The following KCND3 variants were observed in gnomAD, a reference collection of about 807,000 sequenced individuals.
The protein encoded by KCND3 is A-type voltage-gated potassium channel KCND3.
KCND3 carries 9 observed loss-of-function variants against 51.1 expected under a neutral mutation model. The ratio of observed to expected loss-of-function variants is 0.18; its 90% CI spans 0.11 to 0.31. KCND3 has a LOEUF of 0.31. Ranked by LOEUF, KCND3 falls within the 10% of genes least tolerant of loss-of-function variation. The pLI is 1.00. For synonymous variants in KCND3, 349 were observed against 368.0 expected (o/e 0.95, Z 0.59); for missense variants, 526 against 903.8 (o/e 0.58, Z 5.36).
chr1:111,879,566 A>T (rs1048143926), intron 2 of KCND3, among the ~76,000 whole-genome samples: 1 of 152,200 alleles, frequency 6.6e-6, no homozygotes, highest in African/African-American at 2.4e-5. Context: ...AAGAGCAGAG[A>T]GCAGCTTACT....
intron 2 of KCND3, among the ~76,000 whole-genome samples, chr1:111,877,520 A>G (rs893563884): frequency 2.6e-5 from 4 of 152,140 alleles, no homozygotes; most frequent in African/African-American, 9.7e-5. Flanking sequence ...GGCCCAGGAG[A>G]GACTATGAGG....
intron 2 of KCND3, among the ~76,000 whole-genome samples, chr1:111,902,958 T>C (rs144089179): frequency 1.9e-3 from 284 of 152,360 alleles, no homozygotes; most frequent in Middle Eastern, 3.4e-3. Context: ...TTTACATATA[T>C]ACAGACATGT....
At chr1:111,795,104 A>C (rs552752569) in intron 2 of KCND3, among the ~76,000 whole-genome samples, 1 of 152,222 alleles carries the variant, frequency 6.6e-6, no homozygotes, top group Non-Finnish European at 1.5e-5. Flanking sequence ...AAAACACTTT[A>C]GCCCTATGTT....
At chr1:111,890,938 A>T (rs1669792674) in intron 2 of KCND3, among the ~76,000 whole-genome samples, 3 of 152,188 alleles carry the variant, frequency 2.0e-5, no homozygotes, top group African/African-American at 7.2e-5. Context: ...GATCTGGACA[A>T]GAAGTGTTTC....
chr1:111,841,044 C>T (rs1415348311), intron 2 of KCND3, among the ~76,000 whole-genome samples: 2 of 152,230 alleles, frequency 1.3e-5, no homozygotes, highest in African/African-American at 4.8e-5. Context: ...CCCTATTTGT[C>T]TGTTCCACCT....
intron 2 of KCND3, among the ~76,000 whole-genome samples, chr1:111,812,837 G>T (rs1195963977): frequency 6.6e-6 from 1 of 152,172 alleles, no homozygotes; most frequent in Non-Finnish European, 1.5e-5. Flanking sequence ...AGTCCCTGCT[G>T]CACACACTAC....
intron 2 of KCND3, among the ~76,000 whole-genome samples, chr1:111,912,741 TAAA>T (rs762664556): frequency 6.6e-6 from 1 of 152,022 alleles, no homozygotes; most frequent in Non-Finnish European, 1.5e-5. Flanking sequence ...GTTTAAACAG[TAAA>T]AAAACCCCAA....
intron 2 of KCND3, among the ~76,000 whole-genome samples, chr1:111,845,033 C>T (rs1276138627): frequency 2.6e-5 from 4 of 152,158 alleles, no homozygotes; most frequent in Non-Finnish European, 5.9e-5. Flanking sequence ...TCAGTGCAGT[C>T]CACGTGCATT....
At chr1:111,789,346 A>G (rs1664735822) in intron 2 of KCND3, among the ~76,000 whole-genome samples, 1 of 152,236 alleles carries the variant, frequency 6.6e-6, no homozygotes, top group African/African-American at 2.4e-5. Flanking sequence ...AAGGAGCTGC[A>G]TCTTGGAGAG....
Position 111,982,265 on chromosome 1 carries a change from C to T in KCND3, c.462G>A (p.Glu154=). The change falls in exon 2 of 8, where the codon GAG becomes GAA. Residue 154 remains glutamate (E), a synonymous_variant. Transcript: ENST00000302127. The surrounding 1 kb of genome is among the most constrained non-coding windows in gnomAD (Gnocchi z 8.5). ...GCGAGGGCATGGACTCCTGGTTGTT[C>T]TCCGAGTCGTTGTCGTCCATGAGCC... is the stretch of plus-strand genomic sequence containing the variant. ...AERLMDDNDS[E]NNQESMPSLS... 5 of 1,614,144 alleles carry T rather than the reference C, an allele frequency of 3.1e-6. No individual in the cohort carries two copies. Among genetic ancestry groups the T allele is most frequent in the Non-Finnish European group, 3.4e-6 (4 of 1,180,026 alleles).
chr1:111,849,392 C>T (rs1230030221), intron 2 of KCND3, among the ~76,000 whole-genome samples: 1 of 152,212 alleles, frequency 6.6e-6, no homozygotes, highest in Admixed American at 6.5e-5. Flanking sequence ...GGTCCCTACC[C>T]AGCCTACCCC....
intron 1 of KCND3, among the ~76,000 whole-genome samples, chr1:111,986,964 G>C (rs1675318233): frequency 6.6e-6 from 1 of 152,128 alleles, no homozygotes; most frequent in Admixed American, 6.5e-5. Flanking sequence ...CTGAGCCCTG[G>C]ATCTTTGACC....
chr1:111,877,688 C>T (rs1027242120), intron 2 of KCND3, among the ~76,000 whole-genome samples: 7 of 152,344 alleles, frequency 4.6e-5, no homozygotes, highest in Admixed American at 1.3e-4. Context: ...CCCACATCCA[C>T]CTGGCCGCTG....
intron 2 of KCND3, among the ~76,000 whole-genome samples, chr1:111,902,800 C>T (rs1472197701): frequency 6.6e-6 from 1 of 152,174 alleles, no homozygotes; most frequent in East Asian, 1.9e-4. Context: ...TGTCAAGTAC[C>T]TAATACTGTG....
At chr1:111,939,136 A>G (rs984417008) in intron 2 of KCND3, among the ~76,000 whole-genome samples, 1 of 152,256 alleles carries the variant, frequency 6.6e-6, no homozygotes, top group African/African-American at 2.4e-5. Flanking sequence ...AGACGCATTA[A>G]CATTTGAGAA....
In KCND3 at chr1:111,780,199, G is replaced by T. The variant is rs1321729169; in HGVS notation, c.1461+26C>A. On this transcript the variant is annotated intron_variant, in intron 5 of 7. Transcript: ENST00000302127. This position sits in a 1 kb window ranked among gnomAD's most constrained non-coding sequence, Gnocchi z 4.2. ...AAAGGGTCAGGGTCAGCGATGAAAAGGAGGTGGCAAAGGGCTGGGACTCAC... is the reference window on the plus strand; with the variant it reads ...AAAGGGTCAGGGTCAGCGATGAAAATGAGGTGGCAAAGGGCTGGGACTCAC... 1.3e-6 allele frequency: 2 copies of T among 1,562,038 alleles called. No individual in the cohort carries two copies. Among genetic ancestry groups the T allele is most frequent in the Non-Finnish European group, 1.7e-6 (2 of 1,150,972 alleles).
intron 2 of KCND3, among the ~76,000 whole-genome samples, chr1:111,974,372 TAA>T (rs10711503): frequency 7.1e-4 from 104 of 146,644 alleles, no homozygotes; most frequent in Admixed American, 1.1e-3. Context: ...TTTCCCAGAT[TAA>T]AAAAAAAAAA....
chr1:111,868,858 T>C (rs1668706082), intron 2 of KCND3, among the ~76,000 whole-genome samples: 1 of 152,148 alleles, frequency 6.6e-6, no homozygotes, highest in Non-Finnish European at 1.5e-5. Context: ...ATCTTAGCCT[T>C]CTCTGTCTCC....
At chr1:111,871,699 A>G (rs1339028026) in intron 2 of KCND3, among the ~76,000 whole-genome samples, 1 of 152,182 alleles carries the variant, frequency 6.6e-6, no homozygotes, top group Non-Finnish European at 1.5e-5. Context: ...AAGCTTTGAA[A>G]TTGGATATGG....
Sources: gnomAD v4.1 joint callset for allele counts (sites outside exome capture counted in the v4.1 genomes callset) on GRCh38, gnomAD v4.1.1 for gene constraint, Gnocchi (gnomAD v3.1) non-coding constraint, MANE v1.5 for transcripts, NCBI Gene and HGNC (gene_info 2026-07-23, HGNC 2026-07-21) for gene names.